ARHGEF10: variants seen among roughly 807,000 people sequenced by gnomAD.
The protein encoded by ARHGEF10 is Rho guanine nucleotide exchange factor 10.
ARHGEF10 carries 140 observed loss-of-function variants against 147.4 expected under a neutral mutation model. That is an observed-to-expected ratio of 0.95 (90% CI 0.83 to 1.09). ARHGEF10 has a LOEUF of 1.09. ARHGEF10 is among the 50% of genes least tolerant of loss of function. The pLI is 0.00. For missense variants in ARHGEF10, 2,222 were observed against 1,752.7 expected, an observed-to-expected ratio of 1.27 and a Z score of -4.78; for synonymous variants, 902 against 695.8, an observed-to-expected ratio of 1.30 and a Z score of -4.67.
intron 1 of ARHGEF10, among the ~76,000 whole-genome samples, chr8:1,828,348 A>G (rs1169279145): frequency 4.6e-5 from 7 of 152,274 alleles, no homozygotes; most frequent in African/African-American, 4.8e-5. Context: ...AAACCGTGGC[A>G]TGCACACTTA....
chr8:1,944,625 G>A (rs773274416), intron 26 of ARHGEF10, among the ~76,000 whole-genome samples: 2 of 152,194 alleles, frequency 1.3e-5, no homozygotes, highest in African/African-American at 2.4e-5. Context: ...TATTTCCTGT[G>A]GGTTTTTATG....
chr8:1,945,746 C>A (rs1814527132), intron 27 of ARHGEF10, 91 bp downstream of exon 27: 8 of 1,525,876 alleles, frequency 5.2e-6, no homozygotes, highest in Admixed American at 5.0e-5. Flanking sequence ...TTAGCGCTTC[C>A]CAGTGCAGGA....
At chr8:1,829,860 C>A (rs1802982927) in intron 1 of ARHGEF10, among the ~76,000 whole-genome samples, 1 of 152,118 alleles carries the variant, frequency 6.6e-6, no homozygotes, top group Non-Finnish European at 1.5e-5. Flanking sequence ...CGGCAGGCAC[C>A]CTGCTCCTGG....
intron 4 of ARHGEF10, among the ~76,000 whole-genome samples, chr8:1,862,690 C>T (rs1806231295): frequency 6.6e-6 from 1 of 152,174 alleles, no homozygotes; most frequent in Non-Finnish European, 1.5e-5. Context: ...TGCTGCTGGG[C>T]AGCACGTCCT....
intron 20 of ARHGEF10, 46 bp from the exon 21 acceptor site, chr8:1,923,728 T>G (rs1812470411): frequency 1.9e-6 from 3 of 1,613,606 alleles, no homozygotes; most frequent in Non-Finnish European, 2.5e-6. Context: ...CCTCACAGGA[T>G]GGAGCACGTT....
chr8:1,825,424 T>A (rs1802712971), intron 1 of ARHGEF10, among the ~76,000 whole-genome samples: 1 of 58,774 alleles, frequency 1.7e-5, no homozygotes, highest in Admixed American at 2.3e-4. Context: ...CCACCTGTCC[T>A]CTGCACCTCA....
intron 1 of ARHGEF10, among the ~76,000 whole-genome samples, chr8:1,839,403 G>C (rs1355915970): frequency 6.8e-6 from 1 of 147,180 alleles, no homozygotes; most frequent in African/African-American, 2.6e-5. Context: ...GTCTGCTGTG[G>C]GGACTGTCTG....
intron 18 of ARHGEF10, among the ~76,000 whole-genome samples, chr8:1,920,471 C>T (rs755262231): frequency 1.3e-5 from 2 of 150,014 alleles, no homozygotes; most frequent in East Asian, 2.0e-4. Context: ...TACAGGCGCG[C>T]ATCACAATGC....
intron 7 of ARHGEF10, among the ~76,000 whole-genome samples, chr8:1,873,283 A>G (rs982502602): frequency 3.3e-5 from 5 of 152,246 alleles, no homozygotes; most frequent in Non-Finnish European, 5.9e-5. Context: ...ACCGTGCAGA[A>G]GTATCCAGTA....
Position 1,882,671 on chromosome 8 carries a change from A to C in ARHGEF10, c.997A>C (p.Lys333Gln), listed in dbSNP as rs1469941869. ...KLVKAAKDGT[K>Q]DGLERTRAAV... ...CGTGAAGGCCGCGAAGGACGGCACC[A>C]AGGACGGGCTGGAGAGGACCAGGGC... is the stretch of plus-strand genomic sequence containing the variant. The change falls in exon 10 of 29, where the codon AAG (lysine) becomes CAG (glutamine). Residue 333 changes from lysine (K) to glutamine (Q), a missense_variant. Lys to Gln is a moderately conservative substitution (Grantham distance 53). Coordinates refer to ENST00000349830, the MANE Select transcript of ARHGEF10 (RefSeq NM_014629.4). The C allele has an allele frequency of 1.1e-5, 17 of 1,556,314 alleles. No individual in the cohort carries two copies. Among genetic ancestry groups the C allele is most frequent in the Middle Eastern group, 1.7e-4 (1 of 6,020 alleles).
Position 1,945,627 on chromosome 8 carries a change from C to T in ARHGEF10, c.3369C>T (p.Ile1123=), listed in dbSNP as rs765114856. 1.8e-5 allele frequency: 29 copies of T among 1,614,090 alleles called. No homozygotes were observed. Among genetic ancestry groups the T allele is most frequent in the East Asian group, 1.8e-4 (8 of 44,898 alleles). Residue 1123 remains isoleucine (I), a synonymous_variant, in exon 27 of 29, where the codon ATC becomes ATT. Coordinates refer to ENST00000349830, the MANE Select transcript of ARHGEF10 (RefSeq NM_014629.4). ...TCAAGCACCTGCAGGACATCAACAT[C>T]GCCACCCCTGTTCACAACATGCTGC... The part of the protein sequence containing the change: ...ETLKHLQDIN[I]ATPVHNMLPG...
At chr8:1,844,417 A>G (rs1804358403) in intron 2 of ARHGEF10, among the ~76,000 whole-genome samples, 2 of 152,040 alleles carry the variant, frequency 1.3e-5, no homozygotes, top group African/African-American at 2.4e-5. Flanking sequence ...GGGAGAATCC[A>G]GGGGTCACCG....
At chr8:1,885,477 CAAGT>C (rs1452736725) in intron 10 of ARHGEF10, 120 bp from the exon 11 acceptor site, 2 of 693,578 alleles carry the variant, frequency 2.9e-6, no homozygotes, top group Admixed American at 4.5e-5. Flanking sequence ...AGCTGGGTGT[CAAGT>C]AAGCATGGAA....
At chr8:1,832,401 G>GGC (rs1803184332) in intron 1 of ARHGEF10, among the ~76,000 whole-genome samples, 1 of 146,446 alleles carries the variant, frequency 6.8e-6, no homozygotes, top group Non-Finnish European at 1.5e-5. Flanking sequence ...GAGACAGAGA[G>GGC]AGGCAGAGGC....
At chr8:1,885,840 G>T in intron 11 of ARHGEF10, 133 bp downstream of exon 11, 1 of 757,616 alleles carries the variant, frequency 1.3e-6, no homozygotes, top group Non-Finnish European at 2.3e-6. Flanking sequence ...CTCCACTGTA[G>T]GTTCCTGGCC....
At chr8:1,865,396 G>A (rs1806500503) in intron 5 of ARHGEF10, among the ~76,000 whole-genome samples, 1 of 147,378 alleles carries the variant, frequency 6.8e-6, no homozygotes, top group Non-Finnish European at 1.5e-5. Context: ...CAGCACCCAG[G>A]GGGTGGTCAC....
intron 25 of ARHGEF10, among the ~76,000 whole-genome samples, chr8:1,933,300 C>T (rs1427412879): frequency 2.0e-5 from 3 of 152,082 alleles, no homozygotes; most frequent in Non-Finnish European, 2.9e-5. Context: ...TAACATCTGC[C>T]CAGTTATTTT....
intron 15 of ARHGEF10, among the ~76,000 whole-genome samples, chr8:1,902,222 C>T (rs1468607173): frequency 1.3e-5 from 2 of 152,150 alleles, no homozygotes; most frequent in Admixed American, 6.6e-5. Flanking sequence ...ATTGCAGAAC[C>T]ACATTTAATT....
In ARHGEF10 at chr8:1,860,038, C is replaced by G. The variant is rs757113733; in HGVS notation, c.335C>G (p.Ala112Gly). 23 of 1,614,030 alleles carry G rather than the reference C, an allele frequency of 1.4e-5. No individual in the cohort carries two copies. The highest frequency in any genetic ancestry group is 1.8e-5 in the Non-Finnish European group (21 of 1,180,032). Residue 112 changes from alanine (A) to glycine (G), a missense_variant, in exon 4 of 29, where the codon GCT becomes GGT. Physicochemically the swap from Ala to Gly is moderately conservative, Grantham distance 60 (BLOSUM62 0). Coordinates refer to ENST00000349830, the MANE Select transcript of ARHGEF10 (RefSeq NM_014629.4). ...EDQPPTPVPS[A>G]EEENVGLHVP... is the part of the protein sequence containing the mutation. ...CAGCCGCCCACCCCCGTGCCCAGCG[C>G]TGAGGAGGAGAATGTGGGTCTCCAT...
Sources: gnomAD v4.1 joint callset for allele counts (sites outside exome capture counted in the v4.1 genomes callset) on GRCh38, gnomAD v4.1.1 for gene constraint, MANE v1.5 for transcripts, NCBI Gene and HGNC (gene_info 2026-07-23, HGNC 2026-07-21) for gene names.